SLC22A3: variants seen among roughly 807,000 people sequenced by gnomAD.
The protein encoded by SLC22A3 is solute carrier family 22 member 3, also known as EMT organic cation transporter 3.
In SLC22A3, 51 loss-of-function variants were observed where a neutral mutation model predicts 59.1. The ratio of observed to expected loss-of-function variants is 0.86; its 90% confidence interval spans 0.69 to 1.09. The LOEUF is 1.09. SLC22A3 is among the 50% of genes least tolerant of loss of function. The pLI is 0.00. For missense variants in SLC22A3, 711 were observed against 726.3 expected (o/e 0.98, Z 0.24); for synonymous variants, 325 against 292.0 (o/e 1.11, Z -1.15).
At chr6:160,450,910 C>A in intron 10 of SLC22A3, 86 bp from the exon 11 acceptor site, 1 of 1,256,326 alleles carries the variant, frequency 8.0e-7, no homozygotes, top group South Asian at 1.3e-5. Flanking sequence ...TGATCAAAAC[C>A]AGCTATACTA....
At chr6:160,430,946 C>T (rs2114903677) in intron 5 of SLC22A3, among the ~76,000 whole-genome samples, 1 of 152,240 alleles carries the variant, frequency 6.6e-6, no homozygotes, top group African/African-American at 2.4e-5. Context: ...GGGGAGGGGA[C>T]TGACTTCACT....
In SLC22A3 at chr6:160,437,143, G is replaced by A. The variant is rs145082363; in HGVS notation, c.1220G>A (p.Arg407His). ...CTAACCATTGAGCGCCTTGGACGAC[G>A]CCTCCCCTTTGCGGCAAGCAATATA... is the stretch of plus-strand genomic sequence containing the variant. The part of the protein sequence containing the change: ...ILLTIERLGR[R>H]LPFAASNIVA... Residue 407 changes from arginine (R) to histidine (H), a missense_variant, in exon 7 of 11, where the codon CGC becomes CAC. By Grantham distance (29) the Arg-to-His change is conservative. Coordinates refer to ENST00000275300, the MANE Select transcript of SLC22A3 (RefSeq NM_021977.4). 1,214 of 1,614,142 alleles carry A rather than the reference G, an allele frequency of 7.5e-4. 2 individuals are homozygous for A. Among genetic ancestry groups the A allele is most frequent in the Non-Finnish European group, 9.5e-4 (1,119 of 1,179,998 alleles).
intron 8 of SLC22A3, among the ~76,000 whole-genome samples, chr6:160,443,223 CA>C (rs1173465174): frequency 6.6e-6 from 1 of 152,250 alleles, no homozygotes; most frequent in Non-Finnish European, 1.5e-5. Flanking sequence ...TCTTTGACTG[CA>C]TTACATGCAT....
intron 5 of SLC22A3, among the ~76,000 whole-genome samples, chr6:160,432,464 C>T (rs1285292084): frequency 1.2e-4 from 18 of 150,840 alleles, no homozygotes; most frequent in African/African-American, 2.2e-4. Flanking sequence ...GGAGTCTCCC[C>T]GACACCCAGG....
chr6:160,370,993 T>C (rs1414989024), intron 1 of SLC22A3, among the ~76,000 whole-genome samples: 1 of 152,178 alleles, frequency 6.6e-6, no homozygotes, highest in Non-Finnish European at 1.5e-5. Flanking sequence ...CCTCCCAGCT[T>C]ACCTCCTCTC....
chr6:160,357,537 A>G (rs1784884632), intron 1 of SLC22A3, among the ~76,000 whole-genome samples: 1 of 152,112 alleles, frequency 6.6e-6, no homozygotes, highest in Non-Finnish European at 1.5e-5. Context: ...TATACTAAAA[A>G]CTGTTTGTAG....
intron 1 of SLC22A3, among the ~76,000 whole-genome samples, chr6:160,382,868 A>G (rs2114798458): frequency 6.6e-6 from 1 of 152,348 alleles, no homozygotes; most frequent in East Asian, 1.9e-4. Flanking sequence ...AAAAAAATGG[A>G]AATTCCAGAG....
chr6:160,386,393 T>A (rs569648930), intron 1 of SLC22A3, among the ~76,000 whole-genome samples: 125 of 152,364 alleles, frequency 8.2e-4, no homozygotes, highest in Non-Finnish European at 8.4e-4. Flanking sequence ...ATTCTTCAAG[T>A]GCAGTTCTTG....
intron 1 of SLC22A3, among the ~76,000 whole-genome samples, chr6:160,357,206 C>T (rs1341624434): frequency 2.0e-5 from 3 of 152,202 alleles, no homozygotes; most frequent in Non-Finnish European, 2.9e-5. Context: ...CCTGGGAGAG[C>T]AGGTGACCTC....
chr6:160,434,672 GT>G (rs1788272467), intron 5 of SLC22A3, among the ~76,000 whole-genome samples: 1 of 152,162 alleles, frequency 6.6e-6, no homozygotes, highest in African/African-American at 2.4e-5. Flanking sequence ...AATCTATGGA[GT>G]TCCTATCTTT....
At chr6:160,362,770 G>A (rs947397454) in intron 1 of SLC22A3, among the ~76,000 whole-genome samples, 2 of 152,342 alleles carry the variant, frequency 1.3e-5, no homozygotes, top group South Asian at 2.1e-4. Context: ...GCGCCGGAGG[G>A]GACCCAGGCG....
At position 160,430,912 on chromosome 6, in the gene SLC22A3, C is replaced by G. The variant is rs577865743; in HGVS notation, c.976-5868C>G. 4.6e-5 allele frequency among the ~76,000 whole-genome samples: 7 copies of G among 152,268 alleles called. No homozygotes were observed. The South Asian group carries it at 1.5e-3, about 32-fold the overall frequency. ...AAAACTGTCATGACAGAAAGCAGAT[C>G]TGGGTTTCCAGAGCCCAGAGTGGGG... is the stretch of plus-strand genomic sequence containing the variant. On this transcript the variant is annotated intron_variant, in intron 5 of 10. Transcript: ENST00000275300.
At chr6:160,416,941 G>A (rs1331749738) in intron 5 of SLC22A3, among the ~76,000 whole-genome samples, 1 of 152,228 alleles carries the variant, frequency 6.6e-6, no homozygotes, top group Non-Finnish European at 1.5e-5. Context: ...ACTTCTGGTG[G>A]TAGTAGACTT....
chr6:160,444,216 A>C (rs911173570), intron 9 of SLC22A3, among the ~76,000 whole-genome samples: 3 of 152,092 alleles, frequency 2.0e-5, no homozygotes, highest in Non-Finnish European at 4.4e-5. Context: ...AAAATTTAAA[A>C]ATTAGCTAGG....
At position 160,348,644 on chromosome 6, in the gene SLC22A3, GCCCGCCTC is replaced by G; in HGVS notation, c.228_235del (p.Ala77ArgfsTer27). 1 of 1,502,768 alleles carries G rather than the reference GCCCGCCTC, an allele frequency of 6.7e-7. No individual in the cohort carries two copies. Among genetic ancestry groups the G allele is most frequent in the Admixed American group, 2.1e-5 (1 of 47,574 alleles). 93.1% of individuals were successfully genotyped at this position (1,502,768 alleles called of 1,614,324 possible). The stretch of plus-strand genomic sequence containing the variant: ...CGGAGGAGGAGTGGAACCGCACGGC[GCCCGCCTC>G]CCGCGGCCCAGAGCCCCCCGAGCGC... On this transcript the variant is annotated frameshift_variant, in exon 1 of 11. Coordinates refer to ENST00000275300, the MANE Select transcript of SLC22A3 (RefSeq NM_021977.4). LOFTEE classifies it high-confidence loss of function.
At position 160,348,427 on chromosome 6, in the gene SLC22A3, C is replaced by T; in HGVS notation, c.8C>T (p.Ser3Phe). The T allele has an allele frequency of 6.7e-7, 1 of 1,503,284 alleles. No individual in the cohort carries two copies. The highest frequency in any genetic ancestry group is 8.8e-7 in the Non-Finnish European group (1 of 1,130,326). 93.1% of individuals were successfully genotyped at this position (1,503,284 alleles called of 1,614,324 possible). A position where few individuals can be genotyped will look rare whatever the true frequency, so the allele number is the denominator to read the frequency against. Reference sequence around the variant, plus strand: ...GCGGGCGGCGGGCGCACCATGCCCTCCTTCGACGAGGCGCTGCAGCGGGTG... The same window carrying T: ...GCGGGCGGCGGGCGCACCATGCCCTTCTTCGACGAGGCGCTGCAGCGGGTG... Reference protein sequence around the residue: MPSFDEALQRVGE... With the variant: MPFFDEALQRVGE... The change falls in exon 1 of 11, where the codon TCC becomes TTC. Residue 3 changes from serine to phenylalanine, a missense_variant. Transcript: ENST00000275300.
chr6:160,397,658 C>A (rs959660212), intron 1 of SLC22A3, among the ~76,000 whole-genome samples: 1 of 149,868 alleles, frequency 6.7e-6, no homozygotes, highest in Non-Finnish European at 1.5e-5. Flanking sequence ...CGCTTGAACC[C>A]GAGAGGCAGA....
chr6:160,366,947 A>C (rs1785226027), intron 1 of SLC22A3, among the ~76,000 whole-genome samples: 1 of 152,148 alleles, frequency 6.6e-6, no homozygotes, highest in Non-Finnish European at 1.5e-5. Flanking sequence ...AAACTTTTCC[A>C]CATTTTCCTG....
intron 1 of SLC22A3, among the ~76,000 whole-genome samples, chr6:160,358,490 C>T (rs934384940): frequency 6.6e-5 from 10 of 152,144 alleles, no homozygotes; most frequent in African/African-American, 2.2e-4. Flanking sequence ...ATACTAAGGA[C>T]GTGGCCAGGG....
Sources: gnomAD v4.1 joint callset for allele counts (sites outside exome capture counted in the v4.1 genomes callset) on GRCh38, gnomAD v4.1.1 for gene constraint, MANE v1.5 for transcripts, NCBI Gene and HGNC (gene_info 2026-07-23, HGNC 2026-07-21) for gene names.